The following CAMK1D variants were observed in gnomAD, a reference collection of about 807,000 sequenced individuals.
CAMK1D encodes the protein calcium/calmodulin dependent protein kinase ID.
Under a neutral mutation model 47.7 loss-of-function variants are expected in CAMK1D, and 9 were observed. The observed-to-expected ratio is 0.19, with a 90% confidence interval of 0.11 to 0.33. CAMK1D has a LOEUF of 0.33. Among genes scored for constraint, CAMK1D ranks in the 10% least tolerant of loss-of-function variants. CAMK1D has a pLI of 1.00. For missense variants in CAMK1D, 291 were observed against 488.7 expected, an observed-to-expected ratio of 0.60 and a Z score of 3.81; for synonymous variants, 184 against 184.9, an observed-to-expected ratio of 0.99 and a Z score of 0.04.
chr10:12,774,242 G>A (rs1484818386), intron 5 of CAMK1D, among the ~76,000 whole-genome samples: 1 of 152,100 alleles, frequency 6.6e-6, no homozygotes, highest in Non-Finnish European at 1.5e-5. Context: ...AAGCAGAAAA[G>A]ATGATAAGAA....
At chr10:12,821,093 G>T (rs1832995994) in intron 8 of CAMK1D, among the ~76,000 whole-genome samples, 1 of 152,202 alleles carries the variant, frequency 6.6e-6, no homozygotes, top group Admixed American at 6.5e-5. Flanking sequence ...TGCAGGCCAG[G>T]GCAGCAGGCT....
At chr10:12,806,942 G>A (rs996088873) in intron 6 of CAMK1D, among the ~76,000 whole-genome samples, 2 of 152,214 alleles carry the variant, frequency 1.3e-5, no homozygotes. Flanking sequence ...AGTCACATCT[G>A]TTTGAAATCG....
rs556613369 is a variant in CAMK1D at position 12,503,806 on chromosome 10, C to T, written c.93-49419C>T. On this transcript the variant is annotated intron_variant, in intron 1 of 10. Transcript: ENST00000619168. ...AGTGTATAGGATGGAAGATCAGGTT[C>T]GAGTATTTTCCCTTGGAGTCCTGCT... Among the ~76,000 whole-genome samples the T allele has an allele frequency of 2.6e-5, 4 of 152,246 alleles. No homozygotes were observed. In the East Asian group the frequency reaches 5.8e-4, roughly 22 times the overall value.
intron 1 of CAMK1D, among the ~76,000 whole-genome samples, chr10:12,409,917 C>G (rs1009695772): frequency 3.3e-5 from 5 of 152,182 alleles, no homozygotes; most frequent in African/African-American, 1.2e-4. Context: ...TGTAAATTTG[C>G]CTATTCTCGG....
At chr10:12,683,172 C>T (rs111231249) in intron 3 of CAMK1D, among the ~76,000 whole-genome samples, 2,343 of 151,118 alleles carry the variant, frequency 0.016, 70 homozygotes, top group African/African-American at 0.054. Context: ...CCACAACCTC[C>T]GCCTCCCCAG....
intron 1 of CAMK1D, among the ~76,000 whole-genome samples, chr10:12,353,495 G>A (rs972307353): frequency 1.3e-5 from 2 of 152,162 alleles, no homozygotes; most frequent in South Asian, 2.1e-4. Flanking sequence ...GGGTCAAGGC[G>A]GTTAGGCTGT....
intron 6 of CAMK1D, among the ~76,000 whole-genome samples, chr10:12,797,485 G>T (rs937802183): frequency 2.0e-5 from 3 of 151,942 alleles, no homozygotes; most frequent in African/African-American, 7.3e-5. Flanking sequence ...GGCATTACAG[G>T]TATGAGCCAC....
At chr10:12,597,312 A>G (rs1348320605) in intron 2 of CAMK1D, among the ~76,000 whole-genome samples, 1 of 152,116 alleles carries the variant, frequency 6.6e-6, no homozygotes, top group Admixed American at 6.6e-5. Context: ...ACTCAGCTAT[A>G]ATGTTTGTGC....
chr10:12,753,145 G>A (rs531203990), intron 3 of CAMK1D, among the ~76,000 whole-genome samples: 19 of 152,072 alleles, frequency 1.2e-4, no homozygotes, highest in Non-Finnish European at 2.2e-4. Flanking sequence ...CCAGATACTC[G>A]GGAGACTGAG....
At chr10:12,491,237 C>T in intron 1 of CAMK1D, among the ~76,000 whole-genome samples, 1 of 152,000 alleles carries the variant, frequency 6.6e-6, no homozygotes, top group Non-Finnish European at 1.5e-5. Flanking sequence ...TCCCTGGGAA[C>T]ATTTGGCTGT....
intron 1 of CAMK1D, among the ~76,000 whole-genome samples, chr10:12,455,483 C>G (rs928183967): frequency 6.6e-6 from 1 of 152,154 alleles, no homozygotes; most frequent in African/African-American, 2.4e-5. Context: ...CTGGTAATCA[C>G]GGTTCTGACT....
chr10:12,420,249 C>T (rs918371646), intron 1 of CAMK1D, among the ~76,000 whole-genome samples: 5 of 152,324 alleles, frequency 3.3e-5, no homozygotes, highest in South Asian at 2.1e-4. Flanking sequence ...TGAGCCACCA[C>T]GCCTGGCCCA....
intron 6 of CAMK1D, among the ~76,000 whole-genome samples, chr10:12,801,131 G>A (rs1239748809): frequency 1.1e-4 from 16 of 152,038 alleles, no homozygotes; most frequent in Non-Finnish European, 2.4e-4. Flanking sequence ...AGATGGAGTT[G>A]GGATGAAAAG....
intron 1 of CAMK1D, among the ~76,000 whole-genome samples, chr10:12,507,654 C>T (rs757500858): frequency 3.3e-5 from 5 of 152,114 alleles, no homozygotes; most frequent in African/African-American, 7.2e-5. Context: ...AGAGGCACTG[C>T]GGATGGGCTT....
chr10:12,351,285 G>GAA (rs1837349078), intron 1 of CAMK1D, among the ~76,000 whole-genome samples: 4 of 152,168 alleles, frequency 2.6e-5, no homozygotes. Flanking sequence ...AATGAAAACA[G>GAA]AAAAAGATGT....
intron 1 of CAMK1D, among the ~76,000 whole-genome samples, chr10:12,505,385 T>C (rs41355846): frequency 0.24 from 36,474 of 152,132 alleles, 4,969 homozygotes; most frequent in South Asian, 0.34. Context: ...ATATAGAGAC[T>C]ATTAGGCCTG....
At chr10:12,677,551 TG>T (rs1244729818) in intron 3 of CAMK1D, among the ~76,000 whole-genome samples, 1 of 152,098 alleles carries the variant, frequency 6.6e-6, no homozygotes, top group African/African-American at 2.4e-5. Context: ...CAGGGCACTC[TG>T]GGAGGAGACA....
At chr10:12,652,535 CAG>C (rs1245652389) in intron 2 of CAMK1D, among the ~76,000 whole-genome samples, 5 of 151,612 alleles carry the variant, frequency 3.3e-5, no homozygotes, top group Admixed American at 6.6e-5. Flanking sequence ...TTGCAGTGAG[CAG>C]AGAGTGCACC....
intron 6 of CAMK1D, among the ~76,000 whole-genome samples, chr10:12,802,946 G>T (rs546235909): frequency 1.0e-3 from 152 of 152,324 alleles, no homozygotes; most frequent in Non-Finnish European, 5.0e-4. Context: ...CAGGTGTGGT[G>T]TTTCCCCATC....
Sources: gnomAD v4.1 joint callset for allele counts (sites outside exome capture counted in the v4.1 genomes callset) on GRCh38, gnomAD v4.1.1 for gene constraint, MANE v1.5 for transcripts, NCBI Gene and HGNC (gene_info 2026-07-23, HGNC 2026-07-21) for gene names.